Variants in MYO18B observed in about 807,000 individuals in gnomAD.
The protein encoded by MYO18B is unconventional myosin-XVIIIb.
In MYO18B, 204 loss-of-function variants were observed where a neutral mutation model predicts 273.0. The ratio of observed to expected loss-of-function variants is 0.75; its 90% CI spans 0.67 to 0.84. The LOEUF is 0.84. Ranked by LOEUF, MYO18B falls within the 40% of genes least tolerant of loss-of-function variation. The pLI, the probability that MYO18B is intolerant of heterozygous loss-of-function variation, is 0.00. For missense variants in MYO18B, 3,212 were observed against 3,287.6 expected (o/e 0.98, Z 0.56); for synonymous variants, 1,330 against 1,305.7 (o/e 1.02, Z -0.40).
At chr22:25,839,725 G>A (rs1024228260) in intron 17 of MYO18B, among the ~76,000 whole-genome samples, 2 of 152,218 alleles carry the variant, frequency 1.3e-5, no homozygotes, top group South Asian at 2.1e-4. Flanking sequence ...GGGCTCAAGA[G>A]TGGAGATTTT....
intron 38 of MYO18B, among the ~76,000 whole-genome samples, chr22:25,954,265 G>A (rs189161970): frequency 6.6e-6 from 1 of 152,140 alleles, no homozygotes; most frequent in East Asian, 1.9e-4. Context: ...CATCCCCCCT[G>A]CCACCAGGAA....
chr22:25,798,092 G>T lies in MYO18B; in HGVS notation c.2516G>T (p.Cys839Phe), dbSNP rs1406997195. The T allele has an allele frequency of 1.3e-5, 21 of 1,606,744 alleles. No individual in the cohort carries two copies. The highest frequency in any genetic ancestry group is 1.5e-5 in the Non-Finnish European group (18 of 1,174,572). Residue 839 changes from cysteine to phenylalanine, a missense_variant, in exon 12 of 44, where the codon TGC (cysteine) becomes TTC (phenylalanine). Transcript: ENST00000335473. ...AIYHLGAAGA[C>F]KVGRKQFMRF... ...TACCACCTGGGTGCGGCGGGGGCCT[G>T]CAAAGGTACGTCCTTCCTGCCGGGC...
At chr22:25,936,650 T>C (rs2092582191) in intron 34 of MYO18B, among the ~76,000 whole-genome samples, 3 of 152,090 alleles carry the variant, frequency 2.0e-5, no homozygotes, top group Admixed American at 2.0e-4. Context: ...ATACCGTAAA[T>C]TAAACTAGGT....
At chr22:25,922,657 G>A (rs1464082790) in intron 34 of MYO18B, among the ~76,000 whole-genome samples, 1 of 152,114 alleles carries the variant, frequency 6.6e-6, no homozygotes, top group African/African-American at 2.4e-5. Flanking sequence ...AGCTGGGCCT[G>A]GGACCCATGT....
At chr22:25,745,472 G>C (rs1247567053) in intron 1 of MYO18B, among the ~76,000 whole-genome samples, 1 of 146,026 alleles carries the variant, frequency 6.8e-6, no homozygotes, top group Non-Finnish European at 1.5e-5. Context: ...CTCTCTCTCT[G>C]ACACACACAC....
intron 40 of MYO18B, among the ~76,000 whole-genome samples, chr22:25,998,683 C>T (rs941216504): frequency 6.6e-6 from 1 of 152,326 alleles, no homozygotes. Flanking sequence ...AAGTTTCTTG[C>T]TACCTAGTAG....
chr22:25,890,117 G>A (rs185802917), intron 25 of MYO18B, among the ~76,000 whole-genome samples: 16 of 152,306 alleles, frequency 1.1e-4, no homozygotes, highest in African/African-American at 3.4e-4. Context: ...TGGAAACTCT[G>A]TCCAGCCATA....
At chr22:25,753,874 G>T (rs145270440) in intron 1 of MYO18B, among the ~76,000 whole-genome samples, 51 of 152,306 alleles carry the variant, frequency 3.3e-4, no homozygotes, top group African/African-American at 1.1e-3. Context: ...CACTGCGAGG[G>T]TCCACGGCTT....
chr22:25,789,111 C>T (rs1452269969), intron 11 of MYO18B, among the ~76,000 whole-genome samples: 9 of 143,454 alleles, frequency 6.3e-5, no homozygotes, highest in African/African-American at 1.5e-4. Flanking sequence ...CCTCCTCCTC[C>T]TCCTCCTCCT....
chr22:25,754,922 G>T (rs901636844), intron 1 of MYO18B, among the ~76,000 whole-genome samples: 1 of 152,204 alleles, frequency 6.6e-6, no homozygotes, highest in Non-Finnish European at 1.5e-5. Flanking sequence ...TCCCCCTGGA[G>T]CCCGAAGCTG....
intron 39 of MYO18B, among the ~76,000 whole-genome samples, chr22:25,980,920 A>G (rs1032155593): frequency 1.3e-5 from 2 of 152,194 alleles, no homozygotes; most frequent in African/African-American, 4.8e-5. Flanking sequence ...AGGCCCTCGG[A>G]AAGAAACTAT....
intron 34 of MYO18B, among the ~76,000 whole-genome samples, chr22:25,923,503 G>C (rs1246085741): frequency 6.6e-6 from 1 of 152,256 alleles, no homozygotes; most frequent in Non-Finnish European, 1.5e-5. Flanking sequence ...TTGTCCAGAG[G>C]TGGCAAGTGG....
chr22:25,891,958 A>G (rs1293025128), intron 27 of MYO18B, among the ~76,000 whole-genome samples: 2 of 152,092 alleles, frequency 1.3e-5, no homozygotes, highest in Non-Finnish European at 2.9e-5. Context: ...AGCCTGGGAG[A>G]CCTAGGCTGC....
intron 12 of MYO18B, among the ~76,000 whole-genome samples, chr22:25,813,137 C>T (rs1221812525): frequency 6.6e-6 from 1 of 150,392 alleles, no homozygotes; most frequent in Non-Finnish European, 1.5e-5. Flanking sequence ...CCCTCTCCCT[C>T]CTCCTCCTCC....
At chr22:25,842,672 C>CAA (rs695584) in intron 17 of MYO18B, among the ~76,000 whole-genome samples, 1,179 of 64,266 alleles carry the variant, frequency 0.018, 23 homozygotes, top group African/African-American at 0.048. Context: ...AACTCCGTCT[C>CAA]AAAAAAAAAA....
rs542352671 is a variant in MYO18B at position 25,836,342 on chromosome 22, A to G, written c.3208+899A>G. ...ATTTCTGCTACGATGATTGGGTAAT[A>G]TTATGTGCATGCAGAGCTTTGTCAC... On this transcript the variant is annotated intron_variant, in intron 17 of 43. Transcript: ENST00000335473. Among the ~76,000 whole-genome samples the G allele has an allele frequency of 2.0e-5, 3 of 152,224 alleles. No homozygotes were observed. The East Asian group carries it at 5.8e-4, about 29-fold the overall frequency.
chr22:25,983,511 T>G (rs1348487368), intron 39 of MYO18B: 1 of 152,246 alleles, frequency 6.6e-6, no homozygotes, highest in African/African-American at 2.4e-5. Flanking sequence ...TCTGAAATAA[T>G]GAAGCCTAAA....
intron 17 of MYO18B, among the ~76,000 whole-genome samples, chr22:25,835,702 C>T (rs1043393068): frequency 1.3e-5 from 2 of 152,252 alleles, no homozygotes; most frequent in Non-Finnish European, 2.9e-5. Context: ...AAGGCACAAG[C>T]TCACAGCCAA....
chr22:25,925,840 G>A (rs556228251), intron 34 of MYO18B, among the ~76,000 whole-genome samples: 16 of 149,950 alleles, frequency 1.1e-4, no homozygotes, highest in Non-Finnish European at 1.6e-4. Flanking sequence ...GGGAGGTAGA[G>A]GTTGTGGTGA....
Sources: allele counts gnomAD v4.1 joint callset (sites outside exome capture counted in the v4.1 genomes callset), GRCh38; gene constraint gnomAD v4.1.1; transcripts MANE v1.5; gene names NCBI Gene and HGNC (gene_info 2026-07-23, HGNC 2026-07-21).